PCDHA1: variants seen among roughly 807,000 people sequenced by gnomAD.
The protein encoded by PCDHA1 is protocadherin alpha-1.
Under a neutral mutation model 61.3 loss-of-function variants are expected in PCDHA1, and 42 were observed. That is an observed-to-expected ratio of 0.69 (90% CI 0.54 to 0.89). The LOEUF (loss-of-function observed/expected upper bound fraction) is 0.89, where lower values mean the gene tolerates loss of function less well. PCDHA1 is among the 40% of genes least tolerant of loss of function. The pLI, the probability that PCDHA1 is intolerant of heterozygous loss-of-function variation, is 0.00. For synonymous variants in PCDHA1, 610 were observed against 553.8 expected (o/e 1.10, Z -1.43); for missense variants, 1,256 against 1,235.3 (o/e 1.02, Z -0.25).
rs899059019 is a variant in PCDHA1, at chr5:140,805,432, G to T, written c.2394+16748G>T. On this transcript the variant is annotated intron_variant, in intron 1 of 3. Transcript: ENST00000504120. ...TTGGTGGGTTTTTTGTTGTTGTTTT[G>T]GTTTTTGTGTGTGTGTGTTTGTGTG... The T allele has an allele frequency of 3.2e-5, 34 of 1,051,910 alleles. No homozygotes were observed. In the African/African-American group the frequency reaches 5.1e-4, roughly 16 times the overall value. The allele number at this position is 1,051,910 out of a possible 1,614,324, so 65.2% of individuals were successfully genotyped here.
rs571779587 is a variant in PCDHA1 at position 140,961,550 on chromosome 5, C to CT, written c.2395-17392dup. 1.8e-3 allele frequency among the ~76,000 whole-genome samples: 273 copies of CT among 152,148 alleles called. 1 individual carries two copies. Among genetic ancestry groups the CT allele is most frequent in the Middle Eastern group, 3.4e-3 (1 of 294 alleles). ...TAGATAGACTGTTCCTGCAGCATTT[C>CT]TTTTTTTAAATTTTGTTTTGATAAG... On this transcript the variant is annotated intron_variant, in intron 1 of 3. Transcript: ENST00000504120.
chr5:140,808,870 C>A, intron 1 of PCDHA1: 1 of 1,613,180 alleles, frequency 6.2e-7, no homozygotes, highest in Non-Finnish European at 8.5e-7. Flanking sequence ...AAAACGACAA[C>A]GCGCCAGCAC....
At chr5:140,996,389 A>G (rs543903221) in intron 3 of PCDHA1, among the ~76,000 whole-genome samples, 3 of 152,328 alleles carry the variant, frequency 2.0e-5, no homozygotes, top group Admixed American at 1.3e-4. Context: ...ATAATGCCTC[A>G]TAGAGTTTCA....
intron 1 of PCDHA1, chr5:140,883,199 G>A (rs782445481): frequency 6.2e-7 from 1 of 1,613,862 alleles, no homozygotes; most frequent in Non-Finnish European, 8.5e-7. Context: ...ACTAGATTTC[G>A]AAGAAAAGAA....
intron 1 of PCDHA1, chr5:140,841,491 C>G: frequency 6.2e-7 from 1 of 1,613,066 alleles, no homozygotes; most frequent in Non-Finnish European, 8.5e-7. Flanking sequence ...CTGGAGCTGG[C>G]GGAGCTGGTG....
intron 3 of PCDHA1, among the ~76,000 whole-genome samples, chr5:140,985,006 C>T (rs892412151): frequency 1.3e-5 from 2 of 151,922 alleles, no homozygotes; most frequent in South Asian, 2.1e-4. Context: ...GGCACGATAT[C>T]GGCTCACAGC....
chr5:140,863,123 GCCACCGCCTGCTGGTGCTGGTGAAGGA>G, intron 1 of PCDHA1: 1 of 593,078 alleles, frequency 1.7e-6, no homozygotes, highest in Non-Finnish European at 3.3e-6. Context: ...AAAGCTACGC[GCCACCGCCTGCTGGTGCTGGTGAAGGA>G]CCACTGCGAG....
chr5:140,790,185 G>T (rs80280775), intron 1 of PCDHA1, among the ~76,000 whole-genome samples: 1 of 152,166 alleles, frequency 6.6e-6, no homozygotes. Flanking sequence ...ATTGTGTAAA[G>T]GTTGAGAAAT....
In PCDHA1 at chr5:140,914,736, T is replaced by C. The variant is rs76155363; in HGVS notation, c.2395-64213T>C. Among the ~76,000 whole-genome samples, 1,216 of 152,300 alleles carry C rather than the reference T, an allele frequency of 8.0e-3. 6 individuals are homozygous for C. Among genetic ancestry groups the C allele is most frequent in the African/African-American group, 0.019 (785 of 41,570 alleles). On this transcript the variant is annotated intron_variant, in intron 1 of 3. Transcript: ENST00000504120. ...TTTTTTATTTTTTGTGTATCCATTG[T>C]ATGTTTTTCCATTTGAGGTTACATG...
In PCDHA1 at chr5:140,858,199, T is replaced by C. The variant is rs142593526; in HGVS notation, c.2394+69515T>C. The C allele has an allele frequency of 1.4e-4, 227 of 1,596,922 alleles. 11 individuals carry two copies. The African/African-American group carries it at 2.3e-3, about 16-fold the overall frequency. On this transcript the variant is annotated intron_variant, in intron 1 of 3. Coordinates refer to ENST00000504120, the MANE Select transcript of PCDHA1 (RefSeq NM_018900.4). ...TGGTGCTCACGCTGCTGCTGTACAC[T>C]GCACTGAGGTGCTCGGCGGCGCCCA...
At chr5:140,926,719 A>G (rs1315762828) in intron 1 of PCDHA1, 38 of 986,432 alleles carry the variant, frequency 3.9e-5, no homozygotes, top group Non-Finnish European at 4.4e-5. Flanking sequence ...AGCCCCGGCA[A>G]TGCCGGCGTT....
intron 1 of PCDHA1, chr5:140,927,762 T>A (rs781993567): frequency 1.8e-5 from 29 of 1,613,934 alleles, no homozygotes; most frequent in Non-Finnish European, 2.4e-5. Context: ...ACCCTAAAAG[T>A]GGGGAGGTGC....
At position 140,992,156 on chromosome 5, in the gene PCDHA1, A is replaced by G. The variant is rs79603129; in HGVS notation, c.2542+9593A>G. On this transcript the variant is annotated intron_variant, in intron 3 of 3. Coordinates refer to ENST00000504120, the MANE Select transcript of PCDHA1 (RefSeq NM_018900.4). ...TGATGATGCTAACTTTGCTCAATCA[A>G]GAAGTGTGATCCATTTAAATCATGC... Among the ~76,000 whole-genome samples the G allele has an allele frequency of 2.1e-3, 313 of 152,232 alleles. 2 individuals carry two copies. The highest frequency in any genetic ancestry group is 3.8e-3 in the Non-Finnish European group (258 of 67,998).
At chr5:140,857,221 C>T in intron 1 of PCDHA1, 1 of 1,598,474 alleles carries the variant, frequency 6.3e-7, no homozygotes, top group South Asian at 1.1e-5. Context: ...TGACGCCTCA[C>T]GTTCCGTTCA....
At position 140,877,889 on chromosome 5, in the gene PCDHA1, G is replaced by A. The variant is rs904032241; in HGVS notation, c.2394+89205G>A. On this transcript the variant is annotated intron_variant, in intron 1 of 3. Coordinates refer to ENST00000504120, the MANE Select transcript of PCDHA1 (RefSeq NM_018900.4). ...ATATTTGTTTCCTTGAAGAACTTCC[G>A]TTTAGGTTATAACTACATTCTCTCA... 3.3e-5 allele frequency: 48 copies of A among 1,457,998 alleles called. No homozygotes were observed. The African/African-American group carries it at 6.0e-4, about 18-fold the overall frequency. 90.3% of individuals were successfully genotyped at this position (1,457,998 alleles called of 1,614,324 possible). A position where few individuals can be genotyped will look rare whatever the true frequency, so the allele number is the denominator to read the frequency against.
intron 1 of PCDHA1, among the ~76,000 whole-genome samples, chr5:140,959,659 A>G (rs1020730964): frequency 6.6e-6 from 1 of 152,250 alleles, no homozygotes; most frequent in Non-Finnish European, 1.5e-5. Context: ...AAATTGAAGA[A>G]TTTGTAAATC....
intron 1 of PCDHA1, chr5:140,869,037 C>A: frequency 1.3e-6 from 2 of 1,528,404 alleles, no homozygotes; most frequent in South Asian, 2.6e-5. Context: ...AGATTTTTAA[C>A]CTGAAACTGA....
chr5:140,941,191 T>TTTTTTTTC (rs1554213809), intron 1 of PCDHA1, among the ~76,000 whole-genome samples: 21 of 93,258 alleles, frequency 2.3e-4, no homozygotes, highest in African/African-American at 5.9e-4. Flanking sequence ...GCTTCTTTTT[T>TTTTTTTTC]TTTCTTTCTT....
intron 1 of PCDHA1, among the ~76,000 whole-genome samples, chr5:140,921,954 C>A (rs970694644): frequency 2.0e-5 from 3 of 151,586 alleles, no homozygotes; most frequent in African/African-American, 7.3e-5. Context: ...TGTAAAATCC[C>A]AGAAAACCAA....
Sources: allele counts gnomAD v4.1 joint callset (sites outside exome capture counted in the v4.1 genomes callset), GRCh38; gene constraint gnomAD v4.1.1; transcripts MANE v1.5; gene names NCBI Gene and HGNC (gene_info 2026-07-23, HGNC 2026-07-21).